The following ASMTL variants were observed in gnomAD, a reference collection of about 807,000 sequenced individuals.
ASMTL encodes acetylserotonin O-methyltransferase like.
A neutral mutation model predicts 60.3 loss-of-function variants in ASMTL; 57 were observed. The observed-to-expected ratio is 0.95, with a 90% CI of 0.76 to 1.18. The LOEUF (loss-of-function observed/expected upper bound fraction) is 1.18. Ranked by LOEUF, ASMTL falls within the 50% of genes most tolerant of loss-of-function variation. ASMTL has a pLI of 0.00. For missense variants in ASMTL, 981 were observed against 852.6 expected, an observed-to-expected ratio of 1.15 and a Z score of -1.88; for synonymous variants, 419 against 373.0, an observed-to-expected ratio of 1.12 and a Z score of -1.42.
chrX:1,439,989 C>A (rs1406579840), intron 2 of ASMTL, among the ~76,000 whole-genome samples: 1 of 152,134 alleles, frequency 6.6e-6, no homozygotes, highest in Non-Finnish European at 1.5e-5. Context: ...CAGCCCCGCA[C>A]TGGCCTCCCT....
intron 12 of ASMTL, among the ~76,000 whole-genome samples, chrX:1,411,801 ATTTTCTTTTTTTTT>A (rs1174908827): frequency 4.3e-5 from 4 of 92,382 alleles, no homozygotes; most frequent in South Asian, 3.3e-4. Flanking sequence ...TCTCTTTAGG[ATTTTCTTTTTTTTT>A]TTTTTTTTTT....
Position 1,445,020 on chromosome X carries a change from C to G in ASMTL, c.94-2703G>C, listed in dbSNP as rs118113199. Among the ~76,000 whole-genome samples the G allele has an allele frequency of 6.3e-3, 963 of 152,212 alleles. 6 individuals carry two copies. Among genetic ancestry groups the G allele is most frequent in the Admixed American group, 0.013 (197 of 15,286 alleles). On this transcript the variant is annotated intron_variant, in intron 1 of 12. Coordinates refer to ENST00000381317, the MANE Select transcript of ASMTL (RefSeq NM_004192.4). ...TCTTCTCTCTCTCTCTCTGTCTTCC[C>G]TGCGCGGCTCCAGTTTGGGAGCCCC... is the stretch of plus-strand genomic sequence containing the variant.
intron 2 of ASMTL, among the ~76,000 whole-genome samples, chrX:1,439,586 C>T (rs1206909520): frequency 6.6e-6 from 1 of 152,128 alleles, no homozygotes; most frequent in Middle Eastern, 3.2e-3. Flanking sequence ...GTGGCTCACG[C>T]CTGTCATCCC....
intron 6 of ASMTL, among the ~76,000 whole-genome samples, chrX:1,430,876 TAA>T (rs1159525790): frequency 7.1e-5 from 10 of 140,256 alleles, no homozygotes; most frequent in Non-Finnish European, 1.5e-4. Flanking sequence ...TTTTATAATA[TAA>T]AAATATATTT....
intron 1 of ASMTL, 135 bp from the exon 2 acceptor site, chrX:1,442,452 G>A (rs1200431436): frequency 1.1e-5 from 11 of 1,020,682 alleles, no homozygotes; most frequent in African/African-American, 1.6e-5. Flanking sequence ...TCATCCATCC[G>A]CCAAGCTTTC....
At chrX:1,425,235 T>C (rs1289780474) in intron 8 of ASMTL, among the ~76,000 whole-genome samples, 1 of 152,244 alleles carries the variant, frequency 6.6e-6, no homozygotes, top group Non-Finnish European at 1.5e-5. Flanking sequence ...TCAATGTCTG[T>C]GTACACCGTA....
In ASMTL at chrX:1,428,226, G is replaced by A. The variant is rs1223690341; in HGVS notation, c.510-105C>T. The A allele has an allele frequency of 3.6e-6, 5 of 1,396,266 alleles. No homozygotes were observed. The African/African-American group carries it at 7.2e-5, about 20-fold the overall frequency. 86.5% of individuals were successfully genotyped at this position (1,396,266 alleles called of 1,614,324 possible). ...AGGTGGGTGGATCACGAGGTCGGGAGATCGAGGCCATCCTGGCTAACACAG... is the reference window on the plus strand; with the variant it reads ...AGGTGGGTGGATCACGAGGTCGGGAAATCGAGGCCATCCTGGCTAACACAG... On this transcript the variant is annotated intron_variant, in intron 6 of 12. Coordinates refer to ENST00000381317, the MANE Select transcript of ASMTL (RefSeq NM_004192.4).
chrX:1,443,358 CTT>C (rs1289858842), intron 1 of ASMTL, among the ~76,000 whole-genome samples: 5 of 47,390 alleles, frequency 1.1e-4, no homozygotes, highest in Admixed American at 2.7e-4. Context: ...ACACCGCCAT[CTT>C]GGACACACAC....
chrX:1,432,148 G>T, intron 6 of ASMTL, 121 bp downstream of exon 6: 1 of 787,014 alleles, frequency 1.3e-6, no homozygotes, highest in Non-Finnish European at 2.1e-6. Context: ...CTCTCCCTGT[G>T]CCACACGGCC....
intron 9 of ASMTL, among the ~76,000 whole-genome samples, chrX:1,420,139 GTCTCCATCTTTGTTTCTGTCTCCCTA>G (rs1478360442): frequency 1.3e-5 from 2 of 149,938 alleles, no homozygotes; most frequent in African/African-American, 4.9e-5. Context: ...GTGTCTGTCT[GTCTCCATCTTTGTTTCTGTCTCCCTA>G]TCTCTGTCTC....
chrX:1,449,198 C>A (rs1405209346), intron 1 of ASMTL, among the ~76,000 whole-genome samples: 1 of 152,116 alleles, frequency 6.6e-6, no homozygotes, highest in East Asian at 1.9e-4. Flanking sequence ...CCCGCTCAGG[C>A]TTGTTCTCCA....
At chrX:1,404,151 A>G (rs1282244035) in intron 12 of ASMTL, among the ~76,000 whole-genome samples, 6 of 148,660 alleles carry the variant, frequency 4.0e-5, no homozygotes, top group Non-Finnish European at 8.9e-5. Flanking sequence ...AATAGATGGT[A>G]GATGATGGGT....
rs1410789921 is a variant in ASMTL at position 1,432,797 on chromosome X, C to T, written c.401-420G>A. Among the ~76,000 whole-genome samples the T allele has an allele frequency of 6.6e-5, 10 of 152,184 alleles. No individual in the cohort carries two copies. In the South Asian group the frequency reaches 1.5e-3, roughly 22 times the overall value. Reference sequence around the variant, plus strand: ...TGAGCCGAGATCGCGCCCCTGCATTCCAGCCTGGGCCACAGAGCGAGACTC... The same window carrying T: ...TGAGCCGAGATCGCGCCCCTGCATTTCAGCCTGGGCCACAGAGCGAGACTC... On this transcript the variant is annotated intron_variant, in intron 5 of 12. Transcript: ENST00000381317.
chrX:1,412,889 G>T lies in ASMTL; in HGVS notation c.1523-35C>A, dbSNP rs754104776. On this transcript the variant is annotated intron_variant, in intron 11 of 12. Transcript: ENST00000381317. ...AGACAAAACGAGATACGTCCGTCAG[G>T]TATGGAAGAAGCAGTCCTCCCCGGA... The T allele has an allele frequency of 3.7e-6, 6 of 1,612,938 alleles. No individual in the cohort carries two copies. The East Asian group carries it at 1.3e-4, about 36-fold the overall frequency.
At chrX:1,413,444 C>T (rs5989684) in intron 11 of ASMTL, among the ~76,000 whole-genome samples, 3,873 of 152,310 alleles carry the variant, frequency 0.025, 189 homozygotes, top group African/African-American at 0.089. Flanking sequence ...GAGTCGGGGC[C>T]GCACTGCCGG....
At chrX:1,443,567 C>A (rs1345313987) in intron 1 of ASMTL, among the ~76,000 whole-genome samples, 10 of 151,816 alleles carry the variant, frequency 6.6e-5, no homozygotes, top group Admixed American at 3.3e-4. Flanking sequence ...TGGACACACA[C>A]CGCCATCATG....
At position 1,433,390 on chromosome X, in the gene ASMTL, G is replaced by A. The variant is rs1603451401; in HGVS notation, c.401-1013C>T. 3.3e-5 allele frequency among the ~76,000 whole-genome samples: 5 copies of A among 151,208 alleles called. 1 individual carries two copies. In the South Asian group the frequency reaches 1.0e-3, roughly 32 times the overall value. On this transcript the variant is annotated intron_variant, in intron 5 of 12. Coordinates refer to ENST00000381317, the MANE Select transcript of ASMTL (RefSeq NM_004192.4). ...TTTTAAGAGACCCAGAAGGGACCGCGCGCGGTGGCTCACGCCTGTCATCCC... is the reference window on the plus strand; with the variant it reads ...TTTTAAGAGACCCAGAAGGGACCGCACGCGGTGGCTCACGCCTGTCATCCC...
intron 8 of ASMTL, among the ~76,000 whole-genome samples, chrX:1,424,849 T>TCCAC (rs1320434685): frequency 1.3e-5 from 1 of 79,880 alleles, no homozygotes; most frequent in East Asian, 6.1e-4. Context: ...CATCCATCTA[T>TCCAC]CCATCCACCC....
chrX:1,439,768 G>GGAGGTTGCAGTGAGCC (rs1481552616), intron 2 of ASMTL, among the ~76,000 whole-genome samples: 1 of 151,060 alleles, frequency 6.6e-6, no homozygotes, highest in Non-Finnish European at 1.5e-5. Context: ...CCTAGGAGGC[G>GGAGGTTGCAGTGAGCC]GAGGTTGCAG....
Sources: gnomAD v4.1 joint callset for allele counts (sites outside exome capture counted in the v4.1 genomes callset) on GRCh38, gnomAD v4.1.1 for gene constraint, MANE v1.5 for transcripts, NCBI Gene and HGNC (gene_info 2026-07-23, HGNC 2026-07-21) for gene names.